TRPM2: variants seen among roughly 807,000 people sequenced by gnomAD.
TRPM2 encodes estrogen-responsive element-associated gene 1 protein.
In TRPM2, 161 loss-of-function variants were observed where a neutral mutation model predicts 174.0. That is an observed-to-expected ratio of 0.93 (90% confidence interval 0.81 to 1.05). The LOEUF (loss-of-function observed/expected upper bound fraction) is 1.05. Among genes scored for constraint, TRPM2 ranks in the 50% least tolerant of loss-of-function variants. The pLI, the probability that TRPM2 is intolerant of heterozygous loss-of-function variation, is 0.00. For missense variants in TRPM2, 2,057 were observed against 2,038.0 expected, an observed-to-expected ratio of 1.01 and a Z score of -0.18; for synonymous variants, 954 against 861.3, an observed-to-expected ratio of 1.11 and a Z score of -1.88.
intron 11 of TRPM2, among the ~76,000 whole-genome samples, chr21:44,394,806 T>C (rs1310099592): frequency 6.6e-6 from 1 of 152,194 alleles, no homozygotes; most frequent in Non-Finnish European, 1.5e-5. Flanking sequence ...CTAGGATCAC[T>C]TGAGGTGTGT....
chr21:44,418,251 G>C, intron 21 of TRPM2, 143 bp downstream of exon 21: 1 of 1,382,228 alleles, frequency 7.2e-7, no homozygotes, highest in Non-Finnish European at 9.7e-7. Context: ...TGCTGGCCTT[G>C]AGCAAGTGGT....
intron 11 of TRPM2, among the ~76,000 whole-genome samples, chr21:44,392,912 A>G (rs1569054482): frequency 6.6e-6 from 1 of 152,242 alleles, no homozygotes; most frequent in East Asian, 1.9e-4. Flanking sequence ...GGGAGAGTGG[A>G]TGCTGTAGTC....
In TRPM2 at chr21:44,432,030, G is replaced by A. The variant is rs1158966224; in HGVS notation, c.3975-3101G>A. 1.3e-5 allele frequency among the ~76,000 whole-genome samples: 2 copies of A among 152,194 alleles called. No homozygotes were observed. The highest frequency in any genetic ancestry group is 4.8e-5 in the African/African-American group (2 of 41,434). On this transcript the variant is annotated intron_variant, in intron 27 of 31. Transcript: ENST00000397928. The surrounding 1 kb of genome is among the most constrained non-coding windows in gnomAD (Gnocchi z 4.9). Reference sequence around the variant, plus strand: ...GCCCATTCACAACAGCAGCCTGTGTGAGCTTGTCTGACTCAAGTCATTCAC... The same window carrying A: ...GCCCATTCACAACAGCAGCCTGTGTAAGCTTGTCTGACTCAAGTCATTCAC...
chr21:44,397,504 A>C (rs2049466176), intron 12 of TRPM2, among the ~76,000 whole-genome samples: 2 of 152,178 alleles, frequency 1.3e-5, no homozygotes, highest in African/African-American at 2.4e-5. Context: ...GCTGTCCGTC[A>C]GGCTTTGCAG....
In TRPM2 at chr21:44,400,267, G is replaced by A; in HGVS notation, c.2217G>A (p.Leu739=). Residue 739 remains leucine, a synonymous_variant, in exon 15 of 32, where the codon CTG becomes CTA. Transcript: ENST00000397928. ...FVSHGGIQAF[L]TKVWWGQLSV... ...ACTGCCCCCATCCGCAGGCCTTCCTGACCAAGGTGTGGTGGGGCCAGCTCT... is the reference window on the plus strand; with the variant it reads ...ACTGCCCCCATCCGCAGGCCTTCCTAACCAAGGTGTGGTGGGGCCAGCTCT... 6.2e-7 allele frequency: 1 copy of A among 1,612,456 alleles called. No individual in the cohort carries two copies. Among genetic ancestry groups the A allele is most frequent in the Non-Finnish European group, 8.5e-7 (1 of 1,179,616 alleles).
intron 13 of TRPM2, among the ~76,000 whole-genome samples, chr21:44,398,525 T>G (rs775716762): frequency 2.6e-5 from 4 of 151,864 alleles, no homozygotes; most frequent in Non-Finnish European, 5.9e-5. Context: ...TAAGGATAAT[T>G]TGGTGGGTAG....
intron 27 of TRPM2, among the ~76,000 whole-genome samples, chr21:44,429,263 CA>C (rs1472692643): frequency 7.6e-6 from 1 of 130,862 alleles, no homozygotes. Flanking sequence ...GTAATTATAA[CA>C]TTTTTTTCTT....
chr21:44,363,362 G>A (rs1389456063), intron 2 of TRPM2, among the ~76,000 whole-genome samples: 1 of 151,992 alleles, frequency 6.6e-6, no homozygotes, highest in Non-Finnish European at 1.5e-5. Flanking sequence ...TTTCTTTGTT[G>A]TTGTTTGTTT....
chr21:44,366,759 C>A lies in TRPM2; in HGVS notation c.429C>A (p.Val143=), dbSNP rs1034144681. The A allele has an allele frequency of 5.0e-6, 8 of 1,614,046 alleles. No homozygotes were observed. The Admixed American group carries it at 1.3e-4, about 27-fold the overall frequency. The change falls in exon 4 of 32, where the codon GTC becomes GTA. Residue 143 remains valine, a synonymous_variant. Coordinates refer to ENST00000397928, the MANE Select transcript of TRPM2 (RefSeq NM_003307.4). This position sits in a 1 kb window ranked among gnomAD's most constrained non-coding sequence, Gnocchi z 6.0. ...CCGTTTTCCCTTTCCCGCAGTACGTCCGAGTCTCCCAGGACACGCCCTCCA... is the reference window on the plus strand; with the variant it reads ...CCGTTTTCCCTTTCCCGCAGTACGTACGAGTCTCCCAGGACACGCCCTCCA... ...TGLSQKVKKY[V]RVSQDTPSSV...
intron 7 of TRPM2, among the ~76,000 whole-genome samples, chr21:44,378,094 G>C (rs1225712116): frequency 6.6e-6 from 1 of 152,172 alleles, no homozygotes; most frequent in African/African-American, 2.4e-5. Flanking sequence ...GGGAGGCTGG[G>C]GGGTTTCTAC....
chr21:44,375,981 A>G lies in TRPM2; in HGVS notation c.920A>G (p.Lys307Arg). 1 of 1,614,034 alleles carries G rather than the reference A, an allele frequency of 6.2e-7. No homozygotes were observed. The highest frequency in any genetic ancestry group is 1.1e-5 in the South Asian group (1 of 91,084). The change falls in exon 6 of 32, where the codon AAG (lysine) becomes AGG (arginine). Residue 307 changes from lysine to arginine, a missense_variant. By Grantham distance (26) the Lys-to-Arg change is conservative. Transcript: ENST00000397928. ...VEIPLRTRLE[K>R]FISEQTKERG... ...ATTCCTCTGAGGACCAGGCTGGAGA[A>G]GTTCATATCGGAGCAGACCAAGGAA...
intron 11 of TRPM2, among the ~76,000 whole-genome samples, chr21:44,393,922 G>A (rs1200148999): frequency 1.3e-5 from 2 of 152,098 alleles, no homozygotes; most frequent in Admixed American, 1.3e-4. Context: ...GCCCAGGCTG[G>A]AGTGCAATGG....
intron 9 of TRPM2, among the ~76,000 whole-genome samples, chr21:44,390,359 C>CT (rs1312065903): frequency 2.0e-5 from 3 of 152,096 alleles, no homozygotes; most frequent in Admixed American, 6.5e-5. Flanking sequence ...GGTCAAAGTT[C>CT]TTTTTTCTTT....
chr21:44,434,830 T>C (rs1055174730), intron 27 of TRPM2, among the ~76,000 whole-genome samples: 6 of 152,078 alleles, frequency 3.9e-5, no homozygotes, highest in Non-Finnish European at 7.4e-5. Flanking sequence ...AGTTCCATGC[T>C]CCGTGGGGAG....
chr21:44,382,512 C>G lies in TRPM2; in HGVS notation c.1216-206C>G, dbSNP rs554749748. Among the ~76,000 whole-genome samples the G allele has an allele frequency of 2.0e-5, 3 of 152,296 alleles. No individual in the cohort carries two copies. The South Asian group carries it at 6.2e-4, about 32-fold the overall frequency. ...CCCTTGGATTGTGTTTTCCACCCAACAGACTCTCACGAACATGATGTATTT... is the reference window on the plus strand; with the variant it reads ...CCCTTGGATTGTGTTTTCCACCCAAGAGACTCTCACGAACATGATGTATTT... On this transcript the variant is annotated intron_variant, in intron 8 of 31. Transcript: ENST00000397928.
At chr21:44,385,803 G>C (rs114603932) in intron 9 of TRPM2, among the ~76,000 whole-genome samples, 363 of 152,260 alleles carry the variant, frequency 2.4e-3, no homozygotes, top group African/African-American at 8.5e-3. Flanking sequence ...GGAAGAAGAG[G>C]TGCCAAATGA....
Position 44,391,377 on chromosome 21 carries a change from TGG to T in TRPM2, c.1548_1549del (p.Trp516Ter). On this transcript the variant is annotated frameshift_variant, in exon 11 of 32. Transcript: ENST00000397928. LOFTEE classifies it high-confidence loss of function. The surrounding 1 kb of genome is among the most constrained non-coding windows in gnomAD (Gnocchi z 5.0). ...GGTGCAGCTGAAGGAGTTTGTCACC[TGG>T]GACACCTTGCTCTACCTGTACGAGA... ...NGVQLKEFVT[W>X]DTLLYLYENL... is the part of the protein sequence containing the mutation. 6.2e-7 allele frequency: 1 copy of T among 1,614,180 alleles called. No individual in the cohort carries two copies. The highest frequency in any genetic ancestry group is 8.5e-7 in the Non-Finnish European group (1 of 1,180,042).
In TRPM2 at chr21:44,405,946, C is replaced by T; in HGVS notation, c.2699C>T (p.Ser900Phe). 6.2e-7 allele frequency: 1 copy of T among 1,607,960 alleles called. No individual in the cohort carries two copies. The highest frequency in any genetic ancestry group is 1.1e-5 in the South Asian group (1 of 91,088). ...CTGTACCCCGGGCGCGTCATCCTCT[C>T]TCTGGACTTCATCCTGTTCTGCCTC... ...ATLYPGRVIL[S>F]LDFILFCLRL... Residue 900 changes from serine to phenylalanine, a missense_variant, in exon 18 of 32, where the codon TCT becomes TTT. Ser to Phe is a radical substitution (Grantham distance 155, BLOSUM62 -2). Transcript: ENST00000397928.
chr21:44,362,348 C>CAAAAAAAAAAAAAAAAAAAAA (rs57031573), intron 2 of TRPM2, among the ~76,000 whole-genome samples: 14 of 89,230 alleles, frequency 1.6e-4, no homozygotes, highest in Admixed American at 3.5e-4. Flanking sequence ...ACTAAAAATA[C>CAAAAAAAAAAAAAAAAAAAAA]AAAAAAAAAA....
Sources: gnomAD v4.1 joint callset for allele counts (sites outside exome capture counted in the v4.1 genomes callset) on GRCh38, gnomAD v4.1.1 for gene constraint, Gnocchi (gnomAD v3.1) non-coding constraint, MANE v1.5 for transcripts, NCBI Gene and HGNC (gene_info 2026-07-23, HGNC 2026-07-21) for gene names.